Variants in EYS observed in about 807,000 individuals in gnomAD.
The protein encoded by EYS is EGF-like photoreceptor maintenance factor.
Under a neutral mutation model 282.1 loss-of-function variants are expected in EYS, and 250 were observed. The ratio of observed to expected loss-of-function variants is 0.89; its 90% CI spans 0.80 to 0.98. The LOEUF (loss-of-function observed/expected upper bound fraction) is 0.98. EYS is among the 50% of genes least tolerant of loss of function. The pLI is 0.00. For missense variants in EYS, 4,016 were observed against 3,709.0 expected, an observed-to-expected ratio of 1.08 and a Z score of -2.15; for synonymous variants, 1,355 against 1,282.9, an observed-to-expected ratio of 1.06 and a Z score of -1.20.
At chr6:63,978,497 T>C (rs1312569008) in intron 35 of EYS, among the ~76,000 whole-genome samples, 1 of 152,020 alleles carries the variant, frequency 6.6e-6, no homozygotes, top group Non-Finnish European at 1.5e-5. Context: ...TTAGTCTAAA[T>C]GTGTGGTAAG....
At chr6:64,549,784 G>A (rs951977606) in intron 26 of EYS, among the ~76,000 whole-genome samples, 38 of 144,904 alleles carry the variant, frequency 2.6e-4, no homozygotes, top group East Asian at 4.0e-4. Context: ...TGTGCAAAAC[G>A]TGCAGGTTTG....
intron 33 of EYS, among the ~76,000 whole-genome samples, chr6:64,030,149 G>C (rs539602687): frequency 7.5e-4 from 114 of 152,266 alleles, no homozygotes; most frequent in Non-Finnish European, 1.4e-3. Context: ...GAAAGTCAAA[G>C]AGGGAGTCAG....
intron 12 of EYS, among the ~76,000 whole-genome samples, chr6:65,238,656 A>G (rs1766984977): frequency 6.6e-6 from 1 of 152,070 alleles, no homozygotes; most frequent in Non-Finnish European, 1.5e-5. Flanking sequence ...GACTAACATG[A>G]TAATCATAAT....
intron 22 of EYS, among the ~76,000 whole-genome samples, chr6:64,677,984 T>G (rs1038491264): frequency 6.6e-6 from 1 of 152,074 alleles, no homozygotes; most frequent in African/African-American, 2.4e-5. Context: ...TCAAAGATAG[T>G]AAAACTTTTT....
At chr6:64,511,132 A>G (rs1028299959) in intron 26 of EYS, among the ~76,000 whole-genome samples, 2 of 151,396 alleles carry the variant, frequency 1.3e-5, no homozygotes, top group Non-Finnish European at 2.9e-5. Context: ...ACTAAAATCA[A>G]TGATAATTGT....
In EYS at chr6:65,661,746, A is replaced by G. The variant is rs189936125; in HGVS notation, c.-447-21854T>C. Among the ~76,000 whole-genome samples, 21 of 152,240 alleles carry G rather than the reference A, an allele frequency of 1.4e-4. No individual in the cohort carries two copies. The East Asian group carries it at 4.1e-3, about 29-fold the overall frequency. On this transcript the variant is annotated intron_variant, in intron 1 of 42. Transcript: ENST00000503581. ...TTCTCCCAAGCAGTTTTAGAATTAT[A>G]TGAGCAAATGTATGAAGATGGTAAA...
chr6:64,877,522 G>A (rs1304847056), intron 19 of EYS, among the ~76,000 whole-genome samples: 1 of 152,156 alleles, frequency 6.6e-6, no homozygotes. Flanking sequence ...AGAAAACAAT[G>A]ATGAAATTGA....
At chr6:64,452,789 G>A (rs1775407148) in intron 26 of EYS, among the ~76,000 whole-genome samples, 1 of 152,176 alleles carries the variant, frequency 6.6e-6, no homozygotes, top group Admixed American at 6.5e-5. Context: ...ATGGTGCTGG[G>A]AAAACTGGCT....
chr6:64,409,520 G>A (rs1274586523), intron 28 of EYS, among the ~76,000 whole-genome samples: 2 of 152,202 alleles, frequency 1.3e-5, no homozygotes, highest in African/African-American at 4.8e-5. Context: ...AGAGCTGGAA[G>A]TTTAATCTAG....
intron 36 of EYS, among the ~76,000 whole-genome samples, chr6:63,835,366 CAT>C (rs1157973484): frequency 3.3e-5 from 5 of 151,164 alleles, no homozygotes; most frequent in South Asian, 2.1e-4. Context: ...CACACACACA[CAT>C]ACAATGGAAT....
intron 22 of EYS, among the ~76,000 whole-genome samples, chr6:64,659,192 A>G (rs1173308495): frequency 6.6e-6 from 1 of 152,144 alleles, no homozygotes; most frequent in Non-Finnish European, 1.5e-5. Context: ...ACCAATGAGA[A>G]CAAAGACACA....
intron 42 of EYS, among the ~76,000 whole-genome samples, chr6:63,722,245 T>G (rs1372297594): frequency 6.6e-6 from 1 of 152,114 alleles, no homozygotes; most frequent in Non-Finnish European, 1.5e-5. Flanking sequence ...CAACACTGAC[T>G]TTGTTAATTA....
Position 65,334,967 on chromosome 6 carries a change from G to T in EYS, c.1766+13C>A. The stretch of plus-strand genomic sequence containing the variant: ...GATATGTGATATTATCTGCTCAAAT[G>T]ATACATAAATACCTGGGTCTATTAA... On this transcript the variant is annotated intron_variant, in intron 11 of 42. Transcript: ENST00000503581. 1 of 1,600,934 alleles carries T rather than the reference G, an allele frequency of 6.2e-7. No homozygotes were observed.
At chr6:64,160,944 T>G (rs1387223155) in intron 31 of EYS, among the ~76,000 whole-genome samples, 2 of 152,144 alleles carry the variant, frequency 1.3e-5, no homozygotes, top group Non-Finnish European at 2.9e-5. Flanking sequence ...CATACTAGTT[T>G]ACAGTCTAGG....
At chr6:65,150,271 TTC>T (rs1764581461) in intron 12 of EYS, among the ~76,000 whole-genome samples, 2 of 152,090 alleles carry the variant, frequency 1.3e-5, no homozygotes, top group South Asian at 4.1e-4. Context: ...TTCCCCTTTT[TTC>T]TTTTTCTTAT....
At chr6:65,370,238 ATTTC>A (rs1017627704) in intron 8 of EYS, among the ~76,000 whole-genome samples, 6 of 124,440 alleles carry the variant, frequency 4.8e-5, no homozygotes, top group South Asian at 5.3e-4. Context: ...TTTCCTTTCT[ATTTC>A]TTTCTTTCTC....
At chr6:65,695,208 T>C (rs1769402791) in intron 1 of EYS, among the ~76,000 whole-genome samples, 1 of 152,098 alleles carries the variant, frequency 6.6e-6, no homozygotes, top group African/African-American at 2.4e-5. Context: ...CAGCGAGTTA[T>C]GTGTGGAATA....
At chr6:64,261,199 G>C (rs1028024512) in intron 30 of EYS, among the ~76,000 whole-genome samples, 1 of 151,830 alleles carries the variant, frequency 6.6e-6, no homozygotes, top group Non-Finnish European at 1.5e-5. Flanking sequence ...TCCCAATTGG[G>C]AAAACACTCC....
intron 29 of EYS, among the ~76,000 whole-genome samples, chr6:64,356,921 C>A (rs1033096804): frequency 6.6e-6 from 1 of 151,482 alleles, no homozygotes; most frequent in Non-Finnish European, 1.5e-5. Flanking sequence ...CTTAATTAGC[C>A]CAGAATAGTT....
Sources: allele counts gnomAD v4.1 joint callset (sites outside exome capture counted in the v4.1 genomes callset), GRCh38; gene constraint gnomAD v4.1.1; transcripts MANE v1.5; gene names NCBI Gene and HGNC (gene_info 2026-07-23, HGNC 2026-07-21).